The following COL11A1 variants were observed in gnomAD, a reference collection of about 807,000 sequenced individuals.
COL11A1 encodes collagen alpha-1(XI) chain.
Under a neutral mutation model 265.2 loss-of-function variants are expected in COL11A1, and 74 were observed. That is an observed-to-expected ratio of 0.28 (90% CI 0.23 to 0.34). The LOEUF (loss-of-function observed/expected upper bound fraction) is 0.34. Among genes scored for constraint, COL11A1 ranks in the 10% least tolerant of loss-of-function variants. The pLI is 1.00. For synonymous variants in COL11A1, 816 were observed against 727.6 expected (o/e 1.12, Z -1.96); for missense variants, 2,165 against 2,263.6 (o/e 0.96, Z 0.88).
intron 46 of COL11A1, among the ~76,000 whole-genome samples, chr1:102,924,053 CAAAAAAAAA>C (rs577410207): frequency 1.9e-5 from 2 of 106,780 alleles, no homozygotes; most frequent in Middle Eastern, 5.1e-3. Flanking sequence ...ACTAAAAATA[CAAAAAAAAA>C]AAAAAAAAAT....
chr1:103,006,682 C>T lies in COL11A1; in HGVS notation c.1684-367G>A, dbSNP rs1404094508. Among the ~76,000 whole-genome samples the T allele has an allele frequency of 5.3e-5, 8 of 151,238 alleles. No individual in the cohort carries two copies. The East Asian group carries it at 9.8e-4, about 19-fold the overall frequency. ...CCTCCCAAGTAGCTGGGACTACAGG[C>T]GCCCGCCACTATGCCCGGCTAATTT... On this transcript the variant is annotated intron_variant, in intron 15 of 66. Transcript: ENST00000370096.
chr1:102,975,718 C>T (rs1181143587), intron 35 of COL11A1, among the ~76,000 whole-genome samples: 1 of 151,942 alleles, frequency 6.6e-6, no homozygotes, highest in African/African-American at 2.4e-5. Flanking sequence ...TGAAAGATAA[C>T]ATAAGTAAAA....
rs1379241829 is a variant in COL11A1 at position 103,015,674 on chromosome 1, C to T, written c.1482G>A (p.Met494Ile). 2.5e-6 allele frequency: 4 copies of T among 1,605,988 alleles called. 1 individual carries two copies. In the South Asian group the frequency reaches 4.4e-5, roughly 18 times the overall value. Residue 494 changes from methionine (M) to isoleucine (I), a missense_variant, in exon 12 of 67, where the codon ATG becomes ATA. Coordinates refer to ENST00000370096, the MANE Select transcript of COL11A1 (RefSeq NM_001854.4). ...AACATAAAAAAGAACATACCGGTAA[C>T]ATCAACATAGTACCAGGAGGACCAG... is the stretch of plus-strand genomic sequence containing the variant. Reference protein sequence around the residue: ...GLPGPPGTMLMLPFRYGGDGS... With the variant: ...GLPGPPGTMLILPFRYGGDGS...
intron 4 of COL11A1, among the ~76,000 whole-genome samples, chr1:103,064,701 A>G (rs867093878): frequency 1.2e-3 from 19 of 16,260 alleles, no homozygotes; most frequent in Admixed American, 5.3e-3. Context: ...AAAAAAAAAG[A>G]AAAAAAAAAA....
chr1:102,945,249 T>TCC (rs34276315), intron 42 of COL11A1, among the ~76,000 whole-genome samples: 11 of 58,896 alleles, frequency 1.9e-4, no homozygotes, highest in South Asian at 5.3e-4. Flanking sequence ...TTCTTTTTAC[T>TCC]CTCTCTCTCT....
chr1:102,899,312 T>A (rs905393248), intron 54 of COL11A1, among the ~76,000 whole-genome samples: 2 of 152,162 alleles, frequency 1.3e-5, no homozygotes, highest in East Asian at 1.9e-4. Flanking sequence ...TACTGATATA[T>A]CATTTATGTT....
chr1:103,057,302 A>G (rs944742001), intron 4 of COL11A1, among the ~76,000 whole-genome samples: 5 of 152,186 alleles, frequency 3.3e-5, no homozygotes, highest in Non-Finnish European at 5.9e-5. Context: ...TCATCTGTTC[A>G]AGTTTTATCA....
chr1:103,107,819 A>G (rs1289379072), intron 1 of COL11A1, among the ~76,000 whole-genome samples: 1 of 152,084 alleles, frequency 6.6e-6, no homozygotes, highest in Non-Finnish European at 1.5e-5. Context: ...GGGCATTTTC[A>G]GCAGGCTCTC....
intron 4 of COL11A1, among the ~76,000 whole-genome samples, chr1:103,043,724 A>G (rs1669020605): frequency 6.6e-6 from 1 of 152,114 alleles, no homozygotes; most frequent in African/African-American, 2.4e-5. Flanking sequence ...TTTGGAGTCA[A>G]TTAAAGGAAA....
At chr1:103,068,895 G>T (rs574816654) in intron 4 of COL11A1, among the ~76,000 whole-genome samples, 1 of 150,554 alleles carries the variant, frequency 6.6e-6, no homozygotes, top group South Asian at 2.1e-4. Context: ...CTGAAAACTA[G>T]AAAACATTGT....
Position 103,002,484 on chromosome 1 carries a change from GC to G in COL11A1, c.2044-4del. ...GGCCCAGGCTCCCCTTGGGGACCCT[GC>G]CAGAGGAAAATATAAAAAGTTTTTA... On this transcript the variant is annotated splice_polypyrimidine_tract_variant and splice_region_variant and intron_variant, in intron 22 of 66. Transcript: ENST00000370096. 1 of 1,606,760 alleles carries G rather than the reference GC, an allele frequency of 6.2e-7. No homozygotes were observed.
At chr1:103,003,174 GC>G (rs1302574271) in intron 21 of COL11A1, 40 bp downstream of exon 21, 1 of 1,606,784 alleles carries the variant, frequency 6.2e-7, no homozygotes, top group African/African-American at 1.3e-5. Context: ...TTGGCAACAA[GC>G]TTTCCCTAGA....
At chr1:102,898,514 A>G in intron 56 of COL11A1, 152 bp downstream of exon 56, 1 of 606,558 alleles carries the variant, frequency 1.6e-6, no homozygotes, top group South Asian at 2.1e-5. Context: ...ATATATGAAG[A>G]ATATCTTTTT....
intron 41 of COL11A1, 65 bp downstream of exon 41, chr1:102,961,801 G>C: frequency 7.2e-7 from 1 of 1,395,810 alleles, no homozygotes; most frequent in East Asian, 2.3e-5. Flanking sequence ...CAGCATGAGA[G>C]TAATGAAAGA....
At chr1:102,954,899 T>C (rs547184469) in intron 41 of COL11A1, among the ~76,000 whole-genome samples, 36 of 152,048 alleles carry the variant, frequency 2.4e-4, no homozygotes, top group African/African-American at 7.7e-4. Flanking sequence ...TATGAAGTAC[T>C]TTCACTCTCT....
Position 102,888,921 on chromosome 1 carries a change from T to C in COL11A1, c.4465-2A>G. 6.2e-7 allele frequency: 1 copy of C among 1,611,254 alleles called. No individual in the cohort carries two copies. The highest frequency in any genetic ancestry group is 8.5e-7 in the Non-Finnish European group (1 of 1,177,406). ...GGGACCAGCAGGACCAGGAATTCCC[T>C]AGAGAGAGAATCAGCCAATTTAAAG... On this transcript the variant is annotated splice_acceptor_variant, in intron 59 of 66. Coordinates refer to ENST00000370096, the MANE Select transcript of COL11A1 (RefSeq NM_001854.4). LOFTEE classifies it high-confidence loss of function.
chr1:103,008,954 AT>A (rs922036903), intron 14 of COL11A1, among the ~76,000 whole-genome samples: 2 of 152,140 alleles, frequency 1.3e-5, no homozygotes, highest in Non-Finnish European at 2.9e-5. Context: ...TTATATTCAG[AT>A]TTTTTTAGAC....
At position 102,977,214 on chromosome 1, in the gene COL11A1, T is replaced by C. The variant is rs569167695; in HGVS notation, c.2754+1494A>G. Among the ~76,000 whole-genome samples the C allele has an allele frequency of 1.3e-3, 196 of 152,270 alleles. 1 individual carries two copies. Among genetic ancestry groups the C allele is most frequent in the Middle Eastern group, 0.01 (3 of 294 alleles). On this transcript the variant is annotated intron_variant, in intron 35 of 66. Transcript: ENST00000370096. ...TCAACTGTGTGCTCAAGACGTGAAC[T>C]AAATAGTTTAAGATAATTAAAAATT...
At chr1:102,929,032 T>G (rs1657019115) in intron 46 of COL11A1, among the ~76,000 whole-genome samples, 3 of 142,526 alleles carry the variant, frequency 2.1e-5, no homozygotes, top group Admixed American at 7.3e-5. Context: ...TTTCTCCCAT[T>G]TTGTAGGTTG....
Sources: allele counts gnomAD v4.1 joint callset (sites outside exome capture counted in the v4.1 genomes callset), GRCh38; gene constraint gnomAD v4.1.1; transcripts MANE v1.5; gene names NCBI Gene and HGNC (gene_info 2026-07-23, HGNC 2026-07-21).